The following LMF1 variants were observed in gnomAD, a reference collection of about 807,000 sequenced individuals.
LMF1 encodes transmembrane protein 112.
Under a neutral mutation model 60.6 loss-of-function variants are expected in LMF1, and 68 were observed. That is an observed-to-expected ratio of 1.12 (90% CI 0.92 to 1.37). The LOEUF (loss-of-function observed/expected upper bound fraction) is 1.37. Ranked by LOEUF, LMF1 falls within the 40% of genes most tolerant of loss-of-function variation. The pLI is 0.00. For missense variants in LMF1, 948 were observed against 767.2 expected (o/e 1.24, Z -2.78); for synonymous variants, 418 against 324.7 (o/e 1.29, Z -3.09).
intron 3 of LMF1, among the ~76,000 whole-genome samples, chr16:923,872 A>G (rs1281261396): frequency 6.6e-6 from 1 of 152,146 alleles, no homozygotes; most frequent in African/African-American, 2.4e-5. Flanking sequence ...GGATTGTCCA[A>G]TGTGTTTGAT....
In LMF1 at chr16:895,558, C is replaced by T. The variant is rs80249147; in HGVS notation, c.664-2486G>A. On this transcript the variant is annotated intron_variant, in intron 4 of 10. Transcript: ENST00000262301. ...AGGCTCTGCTGCTGTCTGTGCAGGA[C>T]GACCTGGGCAGGGGAGGGGCGTGTC... 6.9e-3 allele frequency among the ~76,000 whole-genome samples: 1,045 copies of T among 152,196 alleles called. 10 individuals carry two copies. Among genetic ancestry groups the T allele is most frequent in the African/African-American group, 0.024 (981 of 41,542 alleles).
At chr16:855,739 G>T (rs1343884849) in intron 10 of LMF1, 3 of 455,946 alleles carry the variant, frequency 6.6e-6, no homozygotes, top group South Asian at 1.5e-5. Flanking sequence ...CATGGCCCCT[G>T]GAATGAGCCC....
chr16:974,819 G>A (rs2073104970), upstream of LMF1, among the ~76,000 whole-genome samples: 1 of 152,244 alleles, frequency 6.6e-6, no homozygotes, highest in South Asian at 2.1e-4. Flanking sequence ...GGCATGCGGT[G>A]GCAGCTGTCT....
intron 1 of LMF1, among the ~76,000 whole-genome samples, chr16:969,845 C>T (rs1259152715): frequency 6.6e-6 from 1 of 152,214 alleles, no homozygotes; most frequent in Non-Finnish European, 1.5e-5. Flanking sequence ...TCACATGTCA[C>T]CGTGATCACA....
intron 2 of LMF1, among the ~76,000 whole-genome samples, chr16:937,300 G>A (rs184274668): frequency 2.9e-4 from 44 of 152,334 alleles, no homozygotes; most frequent in African/African-American, 9.6e-4. Flanking sequence ...CCGACTCCGT[G>A]GAGTTCTTCT....
intron 10 of LMF1, among the ~76,000 whole-genome samples, chr16:860,133 G>A (rs2069413809): frequency 6.6e-6 from 1 of 152,120 alleles, no homozygotes. Context: ...ACATATTCCA[G>A]ATTTTAGACT....
At chr16:975,582 C>T (rs2073120458), upstream of LMF1, among the ~76,000 whole-genome samples, 1 of 152,230 alleles carries the variant, frequency 6.6e-6, no homozygotes, top group Admixed American at 6.5e-5. Context: ...GGGCCTGTGC[C>T]CTCTGTCCCT....
intron 2 of LMF1, among the ~76,000 whole-genome samples, chr16:947,938 T>C (rs1597051451): frequency 9.2e-6 from 1 of 108,136 alleles, no homozygotes; most frequent in African/African-American, 3.6e-5. Flanking sequence ...AACGACAGAG[T>C]CAGCCAATGA....
rs62013775 is a variant in LMF1 at position 890,423 on chromosome 16, G to A, written c.729+2584C>T. ...CTCCACAGCTGGAAGGAGCCGGCCC[G>A]GCCCCCCGAGACAGCAGCTGCTGCC... is the stretch of plus-strand genomic sequence containing the variant. On this transcript the variant is annotated intron_variant, in intron 5 of 10. Coordinates refer to ENST00000262301, the MANE Select transcript of LMF1 (RefSeq NM_022773.4). Among the ~76,000 whole-genome samples the A allele has an allele frequency of 2.0e-3, 308 of 152,258 alleles. 4 individuals are homozygous for A. Among genetic ancestry groups the A allele is most frequent in the Non-Finnish European group, 1.9e-3 (126 of 68,008 alleles).
rs1420679258 is a variant in LMF1, at chr16:953,847, CAA to C, written c.503+508_503+509del. On this transcript the variant is annotated intron_variant, in intron 2 of 10. Coordinates refer to ENST00000262301, the MANE Select transcript of LMF1 (RefSeq NM_022773.4). ...TACATGTCCACACAGACACCCACCC[CAA>C]ACCAGCCTCCTACACGTCCACACAG... Among the ~76,000 whole-genome samples the C allele has an allele frequency of 1.6e-3, 70 of 43,844 alleles. 30 individuals are homozygous for C. The highest frequency in any genetic ancestry group is 5.9e-3 in the African/African-American group (65 of 11,088). The allele number at this position is 43,844 out of a possible 152,430, so 28.8% of individuals were successfully genotyped here.
intron 3 of LMF1, among the ~76,000 whole-genome samples, chr16:931,041 A>AG (rs2071767167): frequency 6.6e-6 from 1 of 152,082 alleles, no homozygotes; most frequent in African/African-American, 2.4e-5. Flanking sequence ...GAATCACTTG[A>AG]ACCCAGGAGG....
chr16:894,119 C>T (rs79031540), intron 4 of LMF1, among the ~76,000 whole-genome samples: 1 of 100,346 alleles, frequency 1.0e-5, no homozygotes, highest in Admixed American at 9.6e-5. Flanking sequence ...CCCCTGTCCA[C>T]CGGACCGTCT....
intron 1 of LMF1, chr16:979,961 G>C: frequency 2.8e-6 from 1 of 353,788 alleles, no homozygotes; most frequent in Non-Finnish European, 5.6e-6. Flanking sequence ...AGGGGGAAGA[G>C]GCACTGCAGA....
chr16:976,854 A>G (rs1009982043), intron 1 of LMF1: 7 of 454,000 alleles, frequency 1.5e-5, no homozygotes, highest in Non-Finnish European at 2.6e-5. Context: ...CCACATGCGA[A>G]CAGCCTGGGC....
At chr16:978,353 C>CA (rs1567351153) in intron 1 of LMF1, among the ~76,000 whole-genome samples, 1 of 151,230 alleles carries the variant, frequency 6.6e-6, no homozygotes, top group Non-Finnish European at 1.5e-5. Context: ...CAAACACACA[C>CA]CACACACACA....
At position 868,962 on chromosome 16, in the gene LMF1, G is replaced by A. The variant is rs369478194; in HGVS notation, c.1511C>T (p.Ala504Val). Reference protein sequence around the residue: ...ALSLLAHNPFAGRPPPRWVRG... With the variant: ...ALSLLAHNPFVGRPPPRWVRG... ...ATCCTACCTGGGCGGGGGCCTGCCC[G>A]CGAAGGGGTTGTGTGCCAGCAGGGA... is the stretch of plus-strand genomic sequence containing the variant. The change falls in exon 10 of 11, where the codon GCG (alanine) becomes GTG (valine). Residue 504 changes from alanine to valine, a missense_variant. Ala to Val is a moderately conservative substitution (Grantham distance 64, BLOSUM62 0). Coordinates refer to ENST00000262301, the MANE Select transcript of LMF1 (RefSeq NM_022773.4). 5.2e-5 allele frequency: 84 copies of A among 1,611,094 alleles called. No homozygotes were observed. Among genetic ancestry groups the A allele is most frequent in the African/African-American group, 4.1e-4 (31 of 75,032 alleles).
chr16:930,981 C>A (rs563044602), intron 3 of LMF1, among the ~76,000 whole-genome samples: 3 of 151,856 alleles, frequency 2.0e-5, no homozygotes, highest in Non-Finnish European at 4.4e-5. Flanking sequence ...ATTAGCCGGG[C>A]GTGGTGGCGG....
intron 1 of LMF1, 29 bp from the exon 2 acceptor site, chr16:954,695 T>C: frequency 9.0e-6 from 14 of 1,555,232 alleles, no homozygotes; most frequent in Non-Finnish European, 1.1e-5. Flanking sequence ...AAAACAAGCA[T>C]GACTAGGAAC....
upstream of LMF1, among the ~76,000 whole-genome samples, chr16:975,027 C>T (rs1351829265): frequency 6.6e-6 from 1 of 152,214 alleles, no homozygotes; most frequent in African/African-American, 2.4e-5. Context: ...CCCCCCCACC[C>T]CCCACGTGAG....
Sources: gnomAD v4.1 joint callset for allele counts (sites outside exome capture counted in the v4.1 genomes callset) on GRCh38, gnomAD v4.1.1 for gene constraint, MANE v1.5 for transcripts, NCBI Gene and HGNC (gene_info 2026-07-23, HGNC 2026-07-21) for gene names.